The following SMYD3 variants were observed in gnomAD, a reference collection of about 807,000 sequenced individuals.
SMYD3 encodes the protein SET and MYND domain containing 3.
SMYD3 carries 36 observed loss-of-function variants against 57.7 expected under a neutral mutation model. That is an observed-to-expected ratio of 0.62 (90% CI 0.48 to 0.82). SMYD3 has a LOEUF of 0.82. Ranked by LOEUF, SMYD3 falls within the 40% of genes least tolerant of loss-of-function variation. SMYD3 has a pLI of 0.00. For missense variants in SMYD3, 515 were observed against 538.8 expected, an observed-to-expected ratio of 0.96 and a Z score of 0.44; for synonymous variants, 211 against 195.0, an observed-to-expected ratio of 1.08 and a Z score of -0.68.
chr1:246,235,036 C>G (rs762056433), intron 5 of SMYD3, among the ~76,000 whole-genome samples: 1 of 152,152 alleles, frequency 6.6e-6, no homozygotes, highest in Non-Finnish European at 1.5e-5. Context: ...CATGGAATCA[C>G]GTTTTACTTT....
chr1:246,076,394 C>A (rs1481132417), intron 5 of SMYD3, among the ~76,000 whole-genome samples: 2 of 152,064 alleles, frequency 1.3e-5, no homozygotes, highest in East Asian at 3.9e-4. Context: ...GCCAACAGAC[C>A]AACACAGAGA....
At chr1:245,820,544 A>T (rs1156702197) in intron 10 of SMYD3, among the ~76,000 whole-genome samples, 2 of 151,690 alleles carry the variant, frequency 1.3e-5, no homozygotes, top group East Asian at 3.9e-4. Flanking sequence ...AGTTCTGGCC[A>T]GGGCAATTAG....
At chr1:246,410,117 C>T (rs941906748) in intron 1 of SMYD3, among the ~76,000 whole-genome samples, 1 of 152,202 alleles carries the variant, frequency 6.6e-6, no homozygotes, top group Admixed American at 6.5e-5. Flanking sequence ...CATCTGCAAA[C>T]AGGGACAATT....
intron 5 of SMYD3, among the ~76,000 whole-genome samples, chr1:246,163,295 T>C (rs1297231908): frequency 6.6e-6 from 1 of 152,214 alleles, no homozygotes; most frequent in Non-Finnish European, 1.5e-5. Context: ...TAATTAAGCA[T>C]ATCAAAGGGT....
At chr1:245,940,692 GC>G (rs1249304334) in intron 5 of SMYD3, among the ~76,000 whole-genome samples, 2 of 151,696 alleles carry the variant, frequency 1.3e-5, no homozygotes, top group East Asian at 3.9e-4. Flanking sequence ...AGGTAGATAA[GC>G]CCACAAAGAT....
chr1:245,969,901 C>G (rs1307271145), intron 5 of SMYD3, among the ~76,000 whole-genome samples: 1 of 152,074 alleles, frequency 6.6e-6, no homozygotes, highest in Non-Finnish European at 1.5e-5. Context: ...ATCATAAAGA[C>G]TATTAAAACA....
intron 5 of SMYD3, among the ~76,000 whole-genome samples, chr1:246,108,472 C>T (rs7525443): frequency 1.3e-5 from 2 of 152,036 alleles, no homozygotes; most frequent in Non-Finnish European, 2.9e-5. Flanking sequence ...CCCTCTTCAA[C>T]AATCTTTGCT....
intron 5 of SMYD3, among the ~76,000 whole-genome samples, chr1:246,263,486 T>C (rs928840512): frequency 6.6e-6 from 1 of 152,202 alleles, no homozygotes; most frequent in Non-Finnish European, 1.5e-5. Flanking sequence ...ACCTTCTTTT[T>C]ACTGTCTAAC....
At chr1:246,324,876 C>A (rs1007644813) in intron 5 of SMYD3, among the ~76,000 whole-genome samples, 86 of 150,908 alleles carry the variant, frequency 5.7e-4, no homozygotes, top group Non-Finnish European at 8.7e-4. Flanking sequence ...ATGTGACTTG[C>A]ACCATCACAC....
At chr1:246,043,032 TC>T (rs2059904353) in intron 5 of SMYD3, among the ~76,000 whole-genome samples, 1 of 152,134 alleles carries the variant, frequency 6.6e-6, no homozygotes, top group Non-Finnish European at 1.5e-5. Flanking sequence ...AATGTTTGTC[TC>T]TTTTTTCAGC....
At chr1:245,835,794 A>G (rs1362636660) in intron 10 of SMYD3, among the ~76,000 whole-genome samples, 1 of 152,214 alleles carries the variant, frequency 6.6e-6, no homozygotes, top group Non-Finnish European at 1.5e-5. Context: ...CCCTGATGCA[A>G]GTCCTTCTGA....
At chr1:245,756,583 C>A (rs1393775320) in intron 11 of SMYD3, among the ~76,000 whole-genome samples, 5 of 151,982 alleles carry the variant, frequency 3.3e-5, no homozygotes, top group Non-Finnish European at 7.4e-5. Context: ...CTGAAAATGT[C>A]TTGATTTCTT....
chr1:246,309,753 CTTCCTATGAATTATAATT>C (rs1371144974), intron 5 of SMYD3, among the ~76,000 whole-genome samples: 1 of 152,172 alleles, frequency 6.6e-6, no homozygotes, highest in Non-Finnish European at 1.5e-5. Context: ...CCATAGCACT[CTTCCTATGAATTATAATT>C]TAGAAAGGCA....
intron 5 of SMYD3, among the ~76,000 whole-genome samples, chr1:246,028,763 T>G (rs1280993816): frequency 6.6e-6 from 1 of 152,044 alleles, no homozygotes; most frequent in Admixed American, 6.5e-5. Context: ...CAAAAGACCA[T>G]GAATAGCCAA....
intron 10 of SMYD3, among the ~76,000 whole-genome samples, chr1:245,820,279 A>G (rs1379731541): frequency 2.0e-5 from 3 of 151,966 alleles, no homozygotes; most frequent in Middle Eastern, 3.4e-3. Flanking sequence ...ATATAAACAG[A>G]GCCAAAGACA....
chr1:246,081,468 C>T (rs2147839982), intron 5 of SMYD3, among the ~76,000 whole-genome samples: 1 of 152,272 alleles, frequency 6.6e-6, no homozygotes, highest in South Asian at 2.1e-4. Flanking sequence ...TCTTTGCTCA[C>T]CACAACCCCT....
intron 5 of SMYD3, among the ~76,000 whole-genome samples, chr1:246,019,574 G>C (rs1208799643): frequency 2.0e-5 from 3 of 152,116 alleles, no homozygotes; most frequent in Non-Finnish European, 4.4e-5. Flanking sequence ...AAAGATGATC[G>C]TAGCTGTGTT....
At chr1:246,171,549 C>T (rs1338243973) in intron 5 of SMYD3, among the ~76,000 whole-genome samples, 1 of 152,124 alleles carries the variant, frequency 6.6e-6, no homozygotes, top group Non-Finnish European at 1.5e-5. Flanking sequence ...CTAACGCAAA[C>T]CTAGATGAGA....
chr1:245,816,938 A>C (rs2048846377), intron 10 of SMYD3, among the ~76,000 whole-genome samples: 1 of 151,318 alleles, frequency 6.6e-6, no homozygotes, highest in Admixed American at 6.6e-5. Flanking sequence ...GCAGTCTGAG[A>C]TCAAACTGCA....
Sources: gnomAD v4.1 joint callset for allele counts (sites outside exome capture counted in the v4.1 genomes callset) on GRCh38, gnomAD v4.1.1 for gene constraint, MANE v1.5 for transcripts, NCBI Gene and HGNC (gene_info 2026-07-23, HGNC 2026-07-21) for gene names.